The following ATP10B variants were observed in gnomAD, a reference collection of about 807,000 sequenced individuals.
The protein encoded by ATP10B is phospholipid-transporting ATPase VB.
A neutral mutation model predicts 141.2 loss-of-function variants in ATP10B; 122 were observed. That is an observed-to-expected ratio of 0.86 (90% CI 0.75 to 1.00). The LOEUF (loss-of-function observed/expected upper bound fraction) is 1.00. ATP10B is among the 50% of genes least tolerant of loss of function. The pLI is 0.00. For synonymous variants in ATP10B, 685 were observed against 692.0 expected, an observed-to-expected ratio of 0.99 and a Z score of 0.16; for missense variants, 1,876 against 1,825.3, an observed-to-expected ratio of 1.03 and a Z score of -0.51.
intron 1 of ATP10B, among the ~76,000 whole-genome samples, chr5:160,830,295 A>T (rs1212146293): frequency 2.6e-5 from 4 of 152,220 alleles, no homozygotes; most frequent in Admixed American, 2.0e-4. Context: ...TTCTATTTTT[A>T]AAAATATTCC....
intron 2 of ATP10B, among the ~76,000 whole-genome samples, chr5:160,747,497 C>A (rs1001776598): frequency 2.6e-5 from 4 of 152,140 alleles, no homozygotes; most frequent in Non-Finnish European, 5.9e-5. Flanking sequence ...ATTAGGTAGA[C>A]TCTAATCTAA....
At chr5:160,777,060 A>G (rs140405249) in intron 2 of ATP10B, among the ~76,000 whole-genome samples, 4 of 152,310 alleles carry the variant, frequency 2.6e-5, no homozygotes, top group African/African-American at 9.6e-5. Flanking sequence ...GGCAAATTAT[A>G]AAGTTGGGGG....
At chr5:160,758,470 T>G (rs1768796611) in intron 2 of ATP10B, among the ~76,000 whole-genome samples, 1 of 152,200 alleles carries the variant, frequency 6.6e-6, no homozygotes, top group Non-Finnish European at 1.5e-5. Context: ...TCATCTCTGT[T>G]CACTGTCCTC....
At chr5:160,919,382 C>T in the ATP10B span, among the ~76,000 whole-genome samples, 1 of 151,986 alleles carries the variant, frequency 6.6e-6, no homozygotes, top group East Asian at 1.9e-4. Context: ...CAGACTTGGC[C>T]CATAGTCTTG....
the ATP10B span, among the ~76,000 whole-genome samples, chr5:160,907,528 C>A: frequency 6.6e-6 from 1 of 151,964 alleles, no homozygotes; most frequent in Non-Finnish European, 1.5e-5. Flanking sequence ...CCCAGCTAAT[C>A]TTTAAATTTT....
chr5:160,638,805 T>C (rs1279728796), intron 10 of ATP10B, among the ~76,000 whole-genome samples: 1 of 152,214 alleles, frequency 6.6e-6, no homozygotes, highest in Non-Finnish European at 1.5e-5. Context: ...AGTTTTTCTC[T>C]TGATTGTCCC....
intron 1 of ATP10B, among the ~76,000 whole-genome samples, chr5:160,840,744 A>G (rs1050133093): frequency 6.6e-5 from 10 of 152,208 alleles, no homozygotes; most frequent in Admixed American, 5.9e-4. Context: ...CAAATGACAA[A>G]CTGGAAAAGA....
chr5:160,599,758 C>T (rs573122606), intron 21 of ATP10B, among the ~76,000 whole-genome samples: 1 of 152,180 alleles, frequency 6.6e-6, no homozygotes, highest in Non-Finnish European at 1.5e-5. Context: ...GATCTCCTCT[C>T]TTGTGGGTGG....
chr5:160,804,243 G>A (rs937928948), intron 1 of ATP10B, among the ~76,000 whole-genome samples: 1 of 152,088 alleles, frequency 6.6e-6, no homozygotes, highest in Non-Finnish European at 1.5e-5. Flanking sequence ...CAGTCTTATT[G>A]TAGTATGCAC....
At chr5:160,877,886 A>C in the ATP10B span, among the ~76,000 whole-genome samples, 68 of 145,652 alleles carry the variant, frequency 4.7e-4, no homozygotes, top group African/African-American at 1.2e-3. Context: ...TAAAAGAGGA[A>C]ACAAACAAAT....
chr5:160,889,322 G>C, the ATP10B span, among the ~76,000 whole-genome samples: 3 of 152,134 alleles, frequency 2.0e-5, no homozygotes, highest in Non-Finnish European at 2.9e-5. Flanking sequence ...CTGATAGGAG[G>C]GTCTTTACTC....
At chr5:160,838,868 A>G (rs989427082) in intron 1 of ATP10B, among the ~76,000 whole-genome samples, 2 of 152,170 alleles carry the variant, frequency 1.3e-5, no homozygotes, top group East Asian at 1.9e-4. Flanking sequence ...TGGATCCCTC[A>G]TGAGTGGTTT....
chr5:160,566,004 G>C (rs1050124653), intron 25 of ATP10B, 104 bp from the exon 26 acceptor site: 9 of 1,110,734 alleles, frequency 8.1e-6, no homozygotes, highest in African/African-American at 4.7e-5. Context: ...CCTGGAGCAA[G>C]ATCCTCTTTA....
intron 25 of ATP10B, among the ~76,000 whole-genome samples, chr5:160,568,047 T>A (rs911333621): frequency 1.3e-5 from 2 of 152,126 alleles, no homozygotes; most frequent in African/African-American, 4.8e-5. Context: ...GGGGCCTGCC[T>A]TTGTCCCAAG....
chr5:160,694,614 T>C (rs1435501403), intron 3 of ATP10B, among the ~76,000 whole-genome samples: 1 of 152,230 alleles, frequency 6.6e-6, no homozygotes, highest in Non-Finnish European at 1.5e-5. Context: ...ACATTTCCAA[T>C]TGACTCCAGT....
chr5:160,826,473 C>T (rs923507136), intron 1 of ATP10B, among the ~76,000 whole-genome samples: 3 of 152,134 alleles, frequency 2.0e-5, no homozygotes, highest in African/African-American at 7.2e-5. Context: ...TGAGGATGTA[C>T]GTCTCCTCCG....
At chr5:160,830,030 A>G (rs1467160496) in intron 1 of ATP10B, among the ~76,000 whole-genome samples, 4 of 152,052 alleles carry the variant, frequency 2.6e-5, no homozygotes, top group South Asian at 2.1e-4. Context: ...TCTTGTTCCA[A>G]TTCTAAAGGG....
At chr5:160,857,988 G>C in the ATP10B span, among the ~76,000 whole-genome samples, 1 of 151,734 alleles carries the variant, frequency 6.6e-6, no homozygotes, top group East Asian at 1.9e-4. Flanking sequence ...TTTCTTGGGG[G>C]AGAAGTATTC....
intron 13 of ATP10B, among the ~76,000 whole-genome samples, chr5:160,630,816 G>C (rs530593182): frequency 2.6e-5 from 4 of 152,068 alleles, no homozygotes; most frequent in Non-Finnish European, 5.9e-5. Flanking sequence ...TTGCATTTCC[G>C]TGCATGACAA....
Sources: gnomAD v4.1 joint callset for allele counts (sites outside exome capture counted in the v4.1 genomes callset) on GRCh38, gnomAD v4.1.1 for gene constraint, MANE v1.5 for transcripts, NCBI Gene and HGNC (gene_info 2026-07-23, HGNC 2026-07-21) for gene names.